Variants in ANKRD11 observed in about 807,000 individuals in gnomAD.
ANKRD11 encodes the protein ankyrin repeat domain-containing protein 11.
ANKRD11 carries 17 observed loss-of-function variants against 195.7 expected under a neutral mutation model. That is an observed-to-expected ratio of 0.09 (90% CI 0.06 to 0.13). The LOEUF (loss-of-function observed/expected upper bound fraction) is 0.13. ANKRD11 is among the 10% of genes least tolerant of loss of function. The probability of loss-of-function intolerance (pLI) is 1.00; values close to 1 mark genes in which losing one functional copy is unlikely to be tolerated. For synonymous variants in ANKRD11, 1,953 were observed against 1,528.1 expected (o/e 1.28, Z -6.49); for missense variants, 3,735 against 3,566.1 (o/e 1.05, Z -1.21).
chr16:89,313,365 C>T lies in ANKRD11; in HGVS notation c.87+3568G>A, dbSNP rs551248270. The T allele has an allele frequency of 6.6e-4, 845 of 1,287,708 alleles. 2 individuals carry two copies. The highest frequency in any genetic ancestry group is 9.4e-4 in the East Asian group (17 of 18,024). 79.8% of individuals were successfully genotyped at this position (1,287,708 alleles called of 1,614,324 possible). ...GATGCAGACACCTGCTGGTTCTTCC[C>T]GAGGCAGCTCAGCGGTTCTGGGATT... On this transcript the variant is annotated intron_variant, in intron 3 of 12. Coordinates refer to ENST00000301030, the MANE Select transcript of ANKRD11 (RefSeq NM_013275.6).
chr16:89,273,952 C>T (rs74033729), intron 11 of ANKRD11, among the ~76,000 whole-genome samples: 1,817 of 152,226 alleles, frequency 0.012, 32 homozygotes, highest in African/African-American at 0.041. Flanking sequence ...GTGTTCCAGG[C>T]ACGTCCCACT....
chr16:89,304,790 C>T (rs2036079672), intron 4 of ANKRD11, among the ~76,000 whole-genome samples: 1 of 152,224 alleles, frequency 6.6e-6, no homozygotes, highest in Non-Finnish European at 1.5e-5. Flanking sequence ...TCCCTGCCTC[C>T]TGCTCACTTT....
At chr16:89,332,683 A>T (rs533436228) in intron 2 of ANKRD11, among the ~76,000 whole-genome samples, 6 of 152,322 alleles carry the variant, frequency 3.9e-5, no homozygotes, top group African/African-American at 1.4e-4. Context: ...AGGCGCTGAG[A>T]CCAGGCAGGG....
Position 89,281,286 on chromosome 16 carries a change from G to A in ANKRD11, c.5256C>T (p.Pro1752=), listed in dbSNP as rs1217194761. 1.2e-6 allele frequency: 2 copies of A among 1,614,256 alleles called. No homozygotes were observed. The highest frequency in any genetic ancestry group is 1.7e-5 in the Admixed American group (1 of 60,036). ...AAAAGGAGGGGGAGCAGGCGCTGGT[G>A]GGAGCGGTGGGCACGGGCGTGGAGT... ...SQHSTPVPTA[P]TSACSPSFFD... is the part of the protein sequence containing the mutation. Residue 1752 remains proline, a synonymous_variant, in exon 9 of 13, where the codon CCC becomes CCT. Coordinates refer to ENST00000301030, the MANE Select transcript of ANKRD11 (RefSeq NM_013275.6). This position sits in a 1 kb window ranked among gnomAD's most constrained non-coding sequence, Gnocchi z 5.5.
chr16:89,324,575 G>C (rs759678953), intron 2 of ANKRD11: 17 of 453,886 alleles, frequency 3.7e-5, no homozygotes, highest in South Asian at 1.1e-4. Flanking sequence ...CCTCCATCTG[G>C]GGGGGCATGA....
chr16:89,463,645 A>T (rs2056780363), intron 1 of ANKRD11, among the ~76,000 whole-genome samples: 1 of 151,960 alleles, frequency 6.6e-6, no homozygotes, highest in Non-Finnish European at 1.5e-5. Flanking sequence ...CCCCTCTATG[A>T]GAAACACCCA....
Position 89,320,966 on chromosome 16 carries a change from G to GGTGGCTTC in ANKRD11, c.-59-3896_-59-3889dup, listed in dbSNP as rs1221179305. Among the ~76,000 whole-genome samples the GGTGGCTTC allele has an allele frequency of 2.0e-5, 3 of 152,370 alleles. No individual in the cohort carries two copies. In the East Asian group the frequency reaches 5.8e-4, roughly 29 times the overall value. ...CAACGATGGCCTGCTCCTCCCGGAA[G>GGTGGCTTC]GTGGCTTCAAGAGCACTCAGGAGGT... On this transcript the variant is annotated intron_variant, in intron 2 of 12. Transcript: ENST00000301030.
At chr16:89,344,777 C>T (rs555580731) in intron 2 of ANKRD11, among the ~76,000 whole-genome samples, 3 of 152,110 alleles carry the variant, frequency 2.0e-5, no homozygotes, top group Non-Finnish European at 4.4e-5. Flanking sequence ...GAGGGCCAGA[C>T]GTGAGGCCAG....
At chr16:89,436,714 G>A (rs1253876570) in intron 1 of ANKRD11, among the ~76,000 whole-genome samples, 2 of 152,130 alleles carry the variant, frequency 1.3e-5, no homozygotes, top group Non-Finnish European at 2.9e-5. Context: ...ACAAGTCAAC[G>A]GAGGACACGC....
intron 2 of ANKRD11, among the ~76,000 whole-genome samples, chr16:89,405,668 C>A (rs1391313128): frequency 6.6e-6 from 1 of 152,078 alleles, no homozygotes; most frequent in Non-Finnish European, 1.5e-5. Flanking sequence ...TTCCTGACTG[C>A]TGCAGATAAG....
At chr16:89,469,194 G>GA (rs1308725849) in intron 1 of ANKRD11, among the ~76,000 whole-genome samples, 5 of 151,674 alleles carry the variant, frequency 3.3e-5, no homozygotes, top group Middle Eastern at 3.4e-3. Flanking sequence ...AAAAAAAGAG[G>GA]AAAAAAAAGA....
At position 89,268,622 on chromosome 16, in the gene ANKRD11, C is replaced by A. The variant is rs773162819; in HGVS notation, c.7848G>T (p.Leu2616=). 2 of 1,567,762 alleles carry A rather than the reference C, an allele frequency of 1.3e-6. No individual in the cohort carries two copies. The highest frequency in any genetic ancestry group is 3.8e-5 in the Admixed American group (2 of 52,252). Residue 2616 remains leucine, a synonymous_variant, in exon 13 of 13, where the codon CTG becomes CTT. Transcript: ENST00000301030. ...LMRQQHEAAA[L]NAVQRMEWQL... ...GCCACTCCATCCTCTGCACGGCGTT[C>A]AGGGCCGCGGCCTCGTGCTGCTGCC...
At position 89,280,640 on chromosome 16, in the gene ANKRD11, C is replaced by G; in HGVS notation, c.5902G>C (p.Glu1968Gln). The G allele has an allele frequency of 6.2e-7, 1 of 1,613,532 alleles. No individual in the cohort carries two copies. The highest frequency in any genetic ancestry group is 8.5e-7 in the Non-Finnish European group (1 of 1,179,964). ...CCCACAGGCCAGCTCACAGGGTTTT[C>G]AGAGGTGCCCCCGATCAGGCTAGAG... ...LASSLIGGTSENPVSWPVGSD... is the reference protein window; with the variant it reads ...LASSLIGGTSQNPVSWPVGSD... The change falls in exon 9 of 13, where the codon GAA becomes CAA. Residue 1968 changes from glutamate to glutamine, a missense_variant. Transcript: ENST00000301030.
At chr16:89,346,952 T>C (rs2038968679) in intron 2 of ANKRD11, among the ~76,000 whole-genome samples, 1 of 152,184 alleles carries the variant, frequency 6.6e-6, no homozygotes, top group South Asian at 2.1e-4. Flanking sequence ...CACGACACAA[T>C]AGGAAAGCAA....
At chr16:89,272,077 G>A (rs915959445) in intron 11 of ANKRD11, 1 of 151,954 alleles carries the variant, frequency 6.6e-6, no homozygotes, top group East Asian at 1.9e-4. Context: ...CAAAAAAACG[G>A]GCAAAAGATC....
At chr16:89,361,663 G>A (rs2039737623) in intron 2 of ANKRD11, 1 of 152,100 alleles carries the variant, frequency 6.6e-6, no homozygotes, top group South Asian at 2.1e-4. Context: ...ACAGGCTCAG[G>A]GAGACCTTCC....
At chr16:89,461,086 G>A (rs1001347696) in intron 1 of ANKRD11, among the ~76,000 whole-genome samples, 2 of 141,520 alleles carry the variant, frequency 1.4e-5, no homozygotes, top group Admixed American at 7.4e-5. Context: ...ACATTCATAA[G>A]AGAAGAAAGG....
intron 2 of ANKRD11, among the ~76,000 whole-genome samples, chr16:89,363,301 C>T (rs1385408992): frequency 3.3e-5 from 5 of 152,054 alleles, no homozygotes; most frequent in Non-Finnish European, 5.9e-5. Flanking sequence ...ACGGTGCATG[C>T]GAATTTGTTA....
intron 2 of ANKRD11, among the ~76,000 whole-genome samples, chr16:89,406,100 A>T: frequency 7.4e-6 from 1 of 136,044 alleles, no homozygotes. Context: ...ACAAAGGGAG[A>T]TTCCATCTCA....
Sources: allele counts gnomAD v4.1 joint callset (sites outside exome capture counted in the v4.1 genomes callset), GRCh38; gene constraint gnomAD v4.1.1; non-coding constraint Gnocchi (gnomAD v3.1); transcripts MANE v1.5; gene names NCBI Gene and HGNC (gene_info 2026-07-23, HGNC 2026-07-21).